The following BSCL2 variants were observed in gnomAD, a reference collection of about 807,000 sequenced individuals.
BSCL2 encodes the protein seipin.
Under a neutral mutation model 57.4 loss-of-function variants are expected in BSCL2, and 41 were observed. That is an observed-to-expected ratio of 0.71 (90% CI 0.56 to 0.93). The LOEUF (loss-of-function observed/expected upper bound fraction) is 0.93, where lower values mean the gene tolerates loss of function less well. Ranked by LOEUF, BSCL2 falls within the 40% of genes least tolerant of loss-of-function variation. The pLI, the probability that BSCL2 is intolerant of heterozygous loss-of-function variation, is 0.00. For synonymous variants in BSCL2, 237 were observed against 227.3 expected (o/e 1.04, Z -0.38); for missense variants, 539 against 586.7 (o/e 0.92, Z 0.84).
rs751948915 is a variant in BSCL2, at chr11:62,694,641, T to C, written c.557A>G (p.Asp186Gly). The stretch of plus-strand genomic sequence containing the variant: ...AATGGTGACCAAGAACATGCCCAAA[T>C]CTTGATTCACAGGGGACTCTGGCAG... ...LELPESPVNQ[D>G]LGMFLVTISC... The change falls in exon 4 of 11, where the codon GAT becomes GGT. Residue 186 changes from aspartate to glycine, a missense_variant. This residue lies in a region of BSCL2 where 73 missense variants were observed against 122.0 expected (regional missense o/e 0.60). Coordinates refer to ENST00000360796, the MANE Select transcript of BSCL2 (RefSeq NM_001122955.4). 6.2e-7 allele frequency: 1 copy of C among 1,614,048 alleles called. No homozygotes were observed. The highest frequency in any genetic ancestry group is 1.1e-5 in the South Asian group (1 of 91,078).
chr11:62,694,039 C>G (rs1945379555), intron 4 of BSCL2, among the ~76,000 whole-genome samples: 1 of 151,516 alleles, frequency 6.6e-6, no homozygotes, highest in Non-Finnish European at 1.5e-5. Context: ...GTCTCGAACT[C>G]TGGACCTCAG....
chr11:62,703,514 G>A (rs891263993), intron 2 of BSCL2, among the ~76,000 whole-genome samples: 4 of 151,218 alleles, frequency 2.6e-5, no homozygotes, highest in African/African-American at 4.9e-5. Context: ...CACCACGCCC[G>A]GCTAATTTTT....
At chr11:62,692,248 C>A in intron 6 of BSCL2, 128 bp downstream of exon 6, 1 of 917,854 alleles carries the variant, frequency 1.1e-6, no homozygotes. Flanking sequence ...AGCTTTGAGA[C>A]CCTCTGGCCT....
rs575422877 is a variant in BSCL2 at position 62,706,251 on chromosome 11, C to G, written c.88-634G>C. The G allele has an allele frequency of 1.4e-4, 152 of 1,097,172 alleles. 3 individuals carry two copies. The South Asian group carries it at 3.2e-3, about 23-fold the overall frequency. 68.0% of individuals were successfully genotyped at this position (1,097,172 alleles called of 1,614,324 possible). On this transcript the variant is annotated intron_variant, in intron 1 of 10. Transcript: ENST00000360796. The stretch of plus-strand genomic sequence containing the variant: ...AGCCCGCCGGCTGCCACAGGGCTGC[C>G]GACTCACCAGCCTCGCGCGCTGCCA...
chr11:62,705,214 T>G, intron 2 of BSCL2, 87 bp downstream of exon 2: 1 of 1,384,668 alleles, frequency 7.2e-7, no homozygotes, highest in Non-Finnish European at 1.0e-6. Flanking sequence ...TTTCCTTATC[T>G]GTAAATGAGG....
chr11:62,709,464 G>A (rs193181049), upstream of BSCL2: 4 of 453,822 alleles, frequency 8.8e-6, no homozygotes, highest in East Asian at 6.9e-5. Context: ...GAAGAGGGGG[G>A]ATTTAGGGGA....
At chr11:62,697,772 C>T (rs1590876464) in intron 3 of BSCL2, among the ~76,000 whole-genome samples, 1 of 145,512 alleles carries the variant, frequency 6.9e-6, no homozygotes, top group Non-Finnish European at 1.5e-5. Flanking sequence ...CCAGCCTGGG[C>T]AACAGAGAGA....
rs374017840 is a variant in BSCL2, at chr11:62,690,315, G to A, written c.*52C>T. The A allele has an allele frequency of 1.1e-5, 18 of 1,611,984 alleles. No individual in the cohort carries two copies. In the African/African-American group the frequency reaches 2.1e-4, roughly 19 times the overall value. On this transcript the variant is annotated 3_prime_UTR_variant, in exon 11 of 11. Transcript: ENST00000360796. Reference sequence around the variant, plus strand: ...TAGTTTATTGAAGGAAAAACGAGGGGAGAGGAGTCAGGTGGGAAAGTGCTG... The same window carrying A: ...TAGTTTATTGAAGGAAAAACGAGGGAAGAGGAGTCAGGTGGGAAAGTGCTG...
chr11:62,704,453 G>A (rs1369229535), intron 2 of BSCL2, among the ~76,000 whole-genome samples: 2 of 151,826 alleles, frequency 1.3e-5, no homozygotes, highest in East Asian at 3.9e-4. Flanking sequence ...GGCTGAGGCA[G>A]GAGAATGGCG....
rs536679299 is a variant in BSCL2 at position 62,695,750 on chromosome 11, T to C, written c.487-1039A>G. ...AAAAAAAAAAAAATTTGGAAAATAC[T>C]TCCCTAGCCCATAGTGAACTACCTC... On this transcript the variant is annotated intron_variant, in intron 3 of 10. Coordinates refer to ENST00000360796, the MANE Select transcript of BSCL2 (RefSeq NM_001122955.4). Among the ~76,000 whole-genome samples, 25 of 151,488 alleles carry C rather than the reference T, an allele frequency of 1.7e-4. No individual in the cohort carries two copies. In the South Asian group the frequency reaches 4.8e-3, roughly 29 times the overall value.
At position 62,705,483 on chromosome 11, in the gene BSCL2, T is replaced by G; in HGVS notation, c.222A>C (p.Leu74Phe). ...AMVNDPPVPA[L>F]LWAQEVGQVL... ...CTTGGCCCACCTCCTGGGCCCACAGTAAGGCAGGTACTGGAGGGTCGTTGA... is the reference window on the plus strand; with the variant it reads ...CTTGGCCCACCTCCTGGGCCCACAGGAAGGCAGGTACTGGAGGGTCGTTGA... Residue 74 changes from leucine to phenylalanine, a missense_variant, in exon 2 of 11, where the codon TTA (leucine) becomes TTC (phenylalanine). By Grantham distance (22) the Leu-to-Phe change is conservative. Transcript: ENST00000360796. The G allele has an allele frequency of 6.2e-7, 1 of 1,614,124 alleles. No individual in the cohort carries two copies. The highest frequency in any genetic ancestry group is 8.5e-7 in the Non-Finnish European group (1 of 1,180,010).
At chr11:62,707,615 G>A, upstream of BSCL2, 1 of 516,240 alleles carries the variant, frequency 1.9e-6, no homozygotes, top group South Asian at 2.1e-5. Context: ...GCGCAGGGAT[G>A]CAGGCAGCTA....
At chr11:62,708,818 C>G (rs746492005), upstream of BSCL2, 9 of 1,605,698 alleles carry the variant, frequency 5.6e-6, no homozygotes, top group Non-Finnish European at 7.7e-6. Flanking sequence ...CTCCCCTGTC[C>G]CTTCTCACAA....
intron 3 of BSCL2, among the ~76,000 whole-genome samples, chr11:62,699,680 T>G (rs1283518278): frequency 6.9e-6 from 1 of 145,664 alleles, no homozygotes; most frequent in Non-Finnish European, 1.5e-5. Context: ...ATCTGGTTTT[T>G]TTTTTTTTTT....
intron 3 of BSCL2, among the ~76,000 whole-genome samples, chr11:62,700,507 G>A (rs1035744185): frequency 6.6e-6 from 1 of 152,080 alleles, no homozygotes; most frequent in African/African-American, 2.4e-5. Context: ...TAGGTATGGT[G>A]GCATACGCCT....
At chr11:62,699,733 C>T (rs1945585435) in intron 3 of BSCL2, among the ~76,000 whole-genome samples, 1 of 138,204 alleles carries the variant, frequency 7.2e-6, no homozygotes, top group Non-Finnish European at 1.5e-5. Context: ...GGCTGGAGTG[C>T]AATGGAGCAG....
At chr11:62,702,631 C>T in intron 2 of BSCL2, 82 bp from the exon 3 acceptor site, 2 of 1,096,960 alleles carry the variant, frequency 1.8e-6, no homozygotes, top group Non-Finnish European at 2.7e-6. Flanking sequence ...CTAGGGCTCC[C>T]TCCTGCCCTC....
chr11:62,708,533 C>A, upstream of BSCL2: 1 of 1,272,304 alleles, frequency 7.9e-7, no homozygotes, highest in Non-Finnish European at 1.1e-6. Flanking sequence ...GTAGAGAGAG[C>A]TGTCCCCAGG....
At chr11:62,702,385 C>T in intron 3 of BSCL2, 83 bp downstream of exon 3, 2 of 1,171,528 alleles carry the variant, frequency 1.7e-6, no homozygotes, top group Non-Finnish European at 2.5e-6. Flanking sequence ...TTACTCAATT[C>T]CTTCTCTCTA....
Sources: gnomAD v4.1 joint callset for allele counts (sites outside exome capture counted in the v4.1 genomes callset) on GRCh38, gnomAD v4.1.1 for gene constraint, gnomAD v4.1.1 regional missense constraint, MANE v1.5 for transcripts, NCBI Gene and HGNC (gene_info 2026-07-23, HGNC 2026-07-21) for gene names.